DDB2: variants seen among roughly 807,000 people sequenced by gnomAD.
The protein encoded by DDB2 is damage specific DNA binding protein 2.
Under a neutral mutation model 50.5 loss-of-function variants are expected in DDB2, and 27 were observed. The observed-to-expected ratio is 0.53, with a 90% CI of 0.39 to 0.74. DDB2 has a LOEUF of 0.74. Ranked by LOEUF, DDB2 falls within the 30% of genes least tolerant of loss-of-function variation. The pLI is 0.00. For synonymous variants in DDB2, 176 were observed against 205.5 expected (o/e 0.86, Z 1.23); for missense variants, 424 against 545.6 (o/e 0.78, Z 2.22).
At chr11:47,221,388 C>T (rs1022071098) in intron 3 of DDB2, among the ~76,000 whole-genome samples, 2 of 151,838 alleles carry the variant, frequency 1.3e-5, no homozygotes, top group African/African-American at 4.8e-5. Context: ...ATTCTCCTTC[C>T]TCAGCCTCCC....
intron 3 of DDB2, among the ~76,000 whole-genome samples, chr11:47,232,391 C>T (rs1014523388): frequency 2.0e-5 from 3 of 151,820 alleles, no homozygotes; most frequent in African/African-American, 7.3e-5. Context: ...GCGGCTCATG[C>T]CTGTAATCTT....
rs1348426103 is a variant in DDB2, at chr11:47,235,403, A to AC, written c.1017dup (p.Ile340HisfsTer21). The AC allele has an allele frequency of 1.2e-6, 2 of 1,612,384 alleles. No individual in the cohort carries two copies. The highest frequency in any genetic ancestry group is 2.7e-5 in the African/African-American group (2 of 74,866). ...CTCACCGTCACTTCCAGCACCTCAC[A>AC]CCCATCAAGGTGAGTGGCGGTGGGA... On this transcript the variant is annotated frameshift_variant, in exon 7 of 10. Coordinates refer to ENST00000256996, the MANE Select transcript of DDB2 (RefSeq NM_000107.3). LOFTEE classifies it high-confidence loss of function.
intron 7 of DDB2, among the ~76,000 whole-genome samples, chr11:47,237,326 G>A (rs1292938793): frequency 6.6e-6 from 1 of 152,120 alleles, no homozygotes; most frequent in East Asian, 1.9e-4. Flanking sequence ...GGCCAGCTAG[G>A]GATTAAAAAT....
At chr11:47,224,421 TA>T (rs1432798395) in intron 3 of DDB2, among the ~76,000 whole-genome samples, 6 of 152,190 alleles carry the variant, frequency 3.9e-5, no homozygotes, top group African/African-American at 9.6e-5. Context: ...ATTTTTATTT[TA>T]TTTTTTTAGT....
At position 47,235,341 on chromosome 11, in the gene DDB2, T is replaced by C; in HGVS notation, c.952T>C (p.Ser318Pro). The C allele has an allele frequency of 6.2e-7, 1 of 1,614,134 alleles. No individual in the cohort carries two copies. Among genetic ancestry groups the C allele is most frequent in the South Asian group, 1.1e-5 (1 of 91,088 alleles). The change falls in exon 7 of 10, where the codon TCC (serine) becomes CCC (proline). Residue 318 changes from serine to proline, a missense_variant. Physicochemically the swap from Ser to Pro is moderately conservative, Grantham distance 74. Coordinates refer to ENST00000256996, the MANE Select transcript of DDB2 (RefSeq NM_000107.3). Reference protein sequence around the residue: ...QKSEIRVYSASQWDCPLGLIP... With the variant: ...QKSEIRVYSAPQWDCPLGLIP... ...GAGCGAGATCCGAGTTTACTCTGCT[T>C]CCCAGTGGGACTGCCCCCTGGGCCT...
At chr11:47,234,351 C>T (rs934241494) in intron 4 of DDB2, among the ~76,000 whole-genome samples, 23 of 152,216 alleles carry the variant, frequency 1.5e-4, no homozygotes, top group South Asian at 8.3e-4. Context: ...TGGGCCCAGC[C>T]ATAACCAGAC....
chr11:47,219,345 G>C (rs1324783631), intron 3 of DDB2, among the ~76,000 whole-genome samples: 1 of 151,544 alleles, frequency 6.6e-6, no homozygotes, highest in African/African-American at 2.4e-5. Flanking sequence ...TGTGTAAGCA[G>C]TCTCCAGAAC....
intron 3 of DDB2, among the ~76,000 whole-genome samples, chr11:47,218,065 G>A (rs1240748600): frequency 2.6e-5 from 4 of 152,116 alleles, no homozygotes; most frequent in South Asian, 2.1e-4. Flanking sequence ...CATGGCTGGC[G>A]TCTTCTCTGC....
At chr11:47,235,158 T>C (rs996708607) in intron 6 of DDB2, 112 bp from the exon 7 acceptor site, 9 of 1,492,380 alleles carry the variant, frequency 6.0e-6, no homozygotes, top group Non-Finnish European at 8.4e-6. Context: ...TCCTTTCCGC[T>C]CCTGTCTAGA....
rs757762991 is a variant in DDB2 at position 47,235,340 on chromosome 11, T to C, written c.951T>C (p.Ala317=). 1.9e-6 allele frequency: 3 copies of C among 1,614,082 alleles called. No homozygotes were observed. The highest frequency in any genetic ancestry group is 2.5e-6 in the Non-Finnish European group (3 of 1,180,046). Residue 317 remains alanine, a synonymous_variant, in exon 7 of 10, where the codon GCT becomes GCC. Coordinates refer to ENST00000256996, the MANE Select transcript of DDB2 (RefSeq NM_000107.3). ...DQKSEIRVYS[A]SQWDCPLGLI... is the part of the protein sequence containing the mutation. ...AGAGCGAGATCCGAGTTTACTCTGC[T>C]TCCCAGTGGGACTGCCCCCTGGGCC... is the stretch of plus-strand genomic sequence containing the variant.
intron 3 of DDB2, among the ~76,000 whole-genome samples, chr11:47,228,698 G>A (rs1488860405): frequency 4.1e-5 from 6 of 147,910 alleles, no homozygotes; most frequent in East Asian, 2.0e-4. Context: ...AGCCAGGTCC[G>A]GTGGCTCATG....
chr11:47,215,412 C>A (rs1207905614), intron 1 of DDB2, 149 bp downstream of exon 1: 2 of 1,145,760 alleles, frequency 1.7e-6, no homozygotes, highest in Non-Finnish European at 2.6e-6. Flanking sequence ...GGTCCTTTGA[C>A]ACCAGAGTGT....
At chr11:47,220,729 G>A (rs1443214135) in intron 3 of DDB2, 1 of 152,246 alleles carries the variant, frequency 6.6e-6, no homozygotes. Context: ...GTTACTGGAG[G>A]AGCAACAGTG....
intron 3 of DDB2, among the ~76,000 whole-genome samples, chr11:47,231,440 G>GT (rs1953648113): frequency 6.6e-6 from 1 of 152,154 alleles, no homozygotes; most frequent in Non-Finnish European, 1.5e-5. Flanking sequence ...GAATCTCAGA[G>GT]GCATGATGAG....
intron 3 of DDB2, chr11:47,229,697 T>G: frequency 3.2e-6 from 1 of 312,902 alleles, no homozygotes; most frequent in East Asian, 1.0e-4. Context: ...GATACAAATT[T>G]AAGGTTTTCA....
At chr11:47,226,809 A>C (rs1283911496) in intron 3 of DDB2, among the ~76,000 whole-genome samples, 2 of 148,246 alleles carry the variant, frequency 1.3e-5, no homozygotes, top group Non-Finnish European at 3.0e-5. Context: ...TGGCACAATC[A>C]TAGCTCACTG....
intron 2 of DDB2, 132 bp downstream of exon 2, chr11:47,216,604 G>A (rs983715198): frequency 1.4e-5 from 19 of 1,344,928 alleles, no homozygotes; most frequent in Admixed American, 5.8e-5. Flanking sequence ...GTGGTGACTG[G>A]CCTACTGGGC....
intron 1 of DDB2, chr11:47,215,787 C>T: frequency 3.9e-6 from 1 of 258,072 alleles, no homozygotes; most frequent in Non-Finnish European, 7.6e-6. Context: ...GTCAAGACGT[C>T]GGACCTATAG....
At chr11:47,236,530 A>AC (rs985771464) in intron 7 of DDB2, among the ~76,000 whole-genome samples, 4 of 151,726 alleles carry the variant, frequency 2.6e-5, no homozygotes, top group African/African-American at 9.7e-5. Context: ...CAGCAGCCAG[A>AC]CCCCCCGGGT....
Sources: gnomAD v4.1 joint callset for allele counts (sites outside exome capture counted in the v4.1 genomes callset) on GRCh38, gnomAD v4.1.1 for gene constraint, MANE v1.5 for transcripts, NCBI Gene and HGNC (gene_info 2026-07-23, HGNC 2026-07-21) for gene names.